Variants in SPAG16 observed in about 807,000 individuals in gnomAD.
SPAG16 encodes the protein sperm associated antigen 16, also known as sperm-associated antigen 16 protein.
A neutral mutation model predicts 80.4 loss-of-function variants in SPAG16; 86 were observed. The ratio of observed to expected loss-of-function variants is 1.07; its 90% CI spans 0.90 to 1.28. SPAG16 has a LOEUF of 1.28. SPAG16 is among the 50% of genes most tolerant of loss of function. The pLI is 0.00. For synonymous variants in SPAG16, 294 were observed against 265.9 expected (o/e 1.11, Z -1.03); for missense variants, 870 against 765.3 (o/e 1.14, Z -1.61).
At chr2:214,057,794 C>T (rs1008087842) in intron 13 of SPAG16, among the ~76,000 whole-genome samples, 6 of 152,142 alleles carry the variant, frequency 3.9e-5, no homozygotes, top group African/African-American at 7.2e-5. Context: ...CTAGCTAGAT[C>T]TTCTAGATAA....
chr2:213,776,959 G>T (rs533683314), intron 10 of SPAG16, among the ~76,000 whole-genome samples: 1 of 150,438 alleles, frequency 6.6e-6, no homozygotes, highest in Non-Finnish European at 1.5e-5. Flanking sequence ...TGGAAAAAAA[G>T]GTAAACTTAG....
chr2:213,535,160 C>A (rs1396339840), intron 10 of SPAG16, among the ~76,000 whole-genome samples: 8 of 152,016 alleles, frequency 5.3e-5, no homozygotes, highest in Non-Finnish European at 1.2e-4. Context: ...CAGAACCCAA[C>A]AATGTAAAAT....
At chr2:214,146,988 C>T (rs1311451886) in intron 14 of SPAG16, among the ~76,000 whole-genome samples, 7 of 136,138 alleles carry the variant, frequency 5.1e-5, no homozygotes, top group Non-Finnish European at 7.8e-5. Context: ...GGTGACAGAG[C>T]GAGACTCCAT....
chr2:214,244,600 C>A (rs1337014730), intron 15 of SPAG16, among the ~76,000 whole-genome samples: 1 of 151,776 alleles, frequency 6.6e-6, no homozygotes, highest in Non-Finnish European at 1.5e-5. Context: ...TGTAAGTGAG[C>A]TTCTATATTA....
intron 15 of SPAG16, among the ~76,000 whole-genome samples, chr2:214,298,325 T>A (rs1402515704): frequency 6.6e-6 from 1 of 152,096 alleles, no homozygotes; most frequent in African/African-American, 2.4e-5. Context: ...TTATCAAAGT[T>A]AGGAGTCTTT....
chr2:213,862,483 A>G lies in SPAG16; in HGVS notation c.1071-2A>G, dbSNP rs1211165880. On this transcript the variant is annotated splice_acceptor_variant, in intron 10 of 15. Coordinates refer to ENST00000331683, the MANE Select transcript of SPAG16 (RefSeq NM_024532.5). LOFTEE classifies it high-confidence loss of function. ...AACTCTTTTTTCTTTCTCCTCGCGC[A>G]GTGTCTCCATGCAACCCCACAAAGA... 1.2e-6 allele frequency: 2 copies of G among 1,613,384 alleles called. No homozygotes were observed. Among genetic ancestry groups the G allele is most frequent in the East Asian group, 2.2e-5 (1 of 44,868 alleles).
intron 10 of SPAG16, among the ~76,000 whole-genome samples, chr2:213,722,655 G>A (rs892447041): frequency 3.9e-5 from 6 of 152,118 alleles, no homozygotes; most frequent in Admixed American, 3.3e-4. Context: ...TTATGATGCG[G>A]TTTAGGACAA....
intron 10 of SPAG16, among the ~76,000 whole-genome samples, chr2:213,778,981 C>T (rs1575113523): frequency 6.6e-6 from 1 of 152,272 alleles, no homozygotes; most frequent in Non-Finnish European, 1.5e-5. Flanking sequence ...TTATTCTCAT[C>T]CCATCACTTA....
intron 9 of SPAG16, among the ~76,000 whole-genome samples, chr2:213,442,893 T>C (rs1196710848): frequency 6.6e-6 from 1 of 152,116 alleles, no homozygotes; most frequent in Non-Finnish European, 1.5e-5. Context: ...AAAGAATCGA[T>C]AATTAATTTT....
chr2:213,443,291 C>G (rs2071096240), intron 9 of SPAG16, among the ~76,000 whole-genome samples: 1 of 152,082 alleles, frequency 6.6e-6, no homozygotes, highest in African/African-American at 2.4e-5. Flanking sequence ...GCCCTTTGAC[C>G]TACTTCTGTC....
At chr2:213,540,155 C>T (rs952674292) in intron 10 of SPAG16, among the ~76,000 whole-genome samples, 2 of 151,676 alleles carry the variant, frequency 1.3e-5, no homozygotes, top group African/African-American at 2.4e-5. Context: ...CTGCCTCAGC[C>T]TCCTGAGTAG....
chr2:214,137,396 A>G (rs1024420161), intron 14 of SPAG16, among the ~76,000 whole-genome samples: 5 of 152,088 alleles, frequency 3.3e-5, no homozygotes, highest in African/African-American at 1.2e-4. Flanking sequence ...TAGTTTAGCT[A>G]TATAATTATA....
rs2072959020 is a variant in SPAG16, at chr2:213,469,622, T to A, written c.943-20341T>A. On this transcript the variant is annotated intron_variant, in intron 9 of 15. Transcript: ENST00000331683. ...CCTGGTGGAATGACCCAAGCCTTCA[T>A]TCCTGAAGGGTCTGGGTCATTTGTA... is the stretch of plus-strand genomic sequence containing the variant. Among the ~76,000 whole-genome samples the A allele has an allele frequency of 1.4e-5, 2 of 143,818 alleles. 1 individual carries two copies. Among genetic ancestry groups the A allele is most frequent in the South Asian group, 4.8e-4 (2 of 4,196 alleles). 94.4% of individuals were successfully genotyped at this position (143,818 alleles called of 152,430 possible).
At chr2:214,311,765 T>C (rs148203984) in intron 15 of SPAG16, 1 of 152,148 alleles carries the variant, frequency 6.6e-6, no homozygotes, top group East Asian at 1.9e-4. Context: ...TAGTCAACTG[T>C]CTGGGGAAAA....
chr2:214,166,635 T>G (rs879045164), intron 15 of SPAG16, among the ~76,000 whole-genome samples: 1 of 152,170 alleles, frequency 6.6e-6, no homozygotes, highest in Non-Finnish European at 1.5e-5. Flanking sequence ...ATTTAGTCCC[T>G]TCATTAATAA....
intron 13 of SPAG16, among the ~76,000 whole-genome samples, chr2:214,090,184 G>T (rs2052078500): frequency 6.6e-6 from 1 of 151,636 alleles, no homozygotes; most frequent in South Asian, 2.1e-4. Context: ...AAAGGAGAAT[G>T]AACAAAGAGA....
chr2:213,348,474 G>A (rs1290318574), intron 6 of SPAG16, among the ~76,000 whole-genome samples: 1 of 152,106 alleles, frequency 6.6e-6, no homozygotes, highest in Non-Finnish European at 1.5e-5. Flanking sequence ...TCCTAGCCTC[G>A]ATGGTCTTTA....
intron 15 of SPAG16, among the ~76,000 whole-genome samples, chr2:214,252,220 A>C (rs2888267): frequency 0.77 from 116,434 of 151,998 alleles, 46,081 homozygotes; most frequent in South Asian, 0.87. Context: ...TGCTTGCAAA[A>C]CCTAATATGT....
intron 10 of SPAG16, among the ~76,000 whole-genome samples, chr2:213,804,910 G>A (rs974672866): frequency 1.3e-5 from 2 of 152,112 alleles, no homozygotes; most frequent in African/African-American, 4.8e-5. Context: ...ACTAAGAAGC[G>A]TTATCTTCAT....
Sources: allele counts gnomAD v4.1 joint callset (sites outside exome capture counted in the v4.1 genomes callset), GRCh38; gene constraint gnomAD v4.1.1; transcripts MANE v1.5; gene names NCBI Gene and HGNC (gene_info 2026-07-23, HGNC 2026-07-21).